The following ANO6 variants were observed in gnomAD, a reference collection of about 807,000 sequenced individuals.
The protein encoded by ANO6 is anoctamin-6.
In ANO6, 106 loss-of-function variants were observed where a neutral mutation model predicts 117.5. The ratio of observed to expected loss-of-function variants is 0.90; its 90% CI spans 0.77 to 1.06. The LOEUF (loss-of-function observed/expected upper bound fraction) is 1.06, where lower values mean the gene tolerates loss of function less well. ANO6 is among the 50% of genes least tolerant of loss of function. The probability of loss-of-function intolerance (pLI) is 0.00; values close to 1 mark genes in which losing one functional copy is unlikely to be tolerated. For missense variants in ANO6, 955 were observed against 1,121.1 expected (o/e 0.85, Z 2.12); for synonymous variants, 367 against 385.1 (o/e 0.95, Z 0.55).
At chr12:45,419,483 T>C (rs866177404) in intron 17 of ANO6, among the ~76,000 whole-genome samples, 2 of 152,236 alleles carry the variant, frequency 1.3e-5, no homozygotes, top group Admixed American at 6.5e-5. Flanking sequence ...CACACTCATA[T>C]GTATATGTAC....
At chr12:45,235,503 G>A (rs758635226) in intron 1 of ANO6, among the ~76,000 whole-genome samples, 1 of 152,100 alleles carries the variant, frequency 6.6e-6, no homozygotes, top group African/African-American at 2.4e-5. Flanking sequence ...ATCCAGGCCT[G>A]GCAGTAAACA....
rs568503334 is a variant in ANO6, at chr12:45,317,356, G to C, written c.151-13939G>C. On this transcript the variant is annotated intron_variant, in intron 2 of 19. Transcript: ENST00000320560. ...CTCATTGTTCAATTCCCACCTATGA[G>C]TGAGAACATGAAGTGTTTGGTTTTT... is the stretch of plus-strand genomic sequence containing the variant. 7.2e-3 allele frequency among the ~76,000 whole-genome samples: 993 copies of C among 137,608 alleles called. 7 individuals carry two copies. Among genetic ancestry groups the C allele is most frequent in the African/African-American group, 0.023 (858 of 36,818 alleles). The allele number at this position is 137,608 out of a possible 152,430, so 90.3% of individuals were successfully genotyped here. A position where few individuals can be genotyped will look rare whatever the true frequency, so the allele number is the denominator to read the frequency against.
At chr12:45,230,322 C>G (rs879536681) in intron 1 of ANO6, among the ~76,000 whole-genome samples, 1 of 151,816 alleles carries the variant, frequency 6.6e-6, no homozygotes, top group African/African-American at 2.4e-5. Flanking sequence ...TGGTCTTGAG[C>G]AGCTTCTTAT....
At chr12:45,366,968 A>G (rs1199554184) in intron 8 of ANO6, among the ~76,000 whole-genome samples, 2 of 151,962 alleles carry the variant, frequency 1.3e-5, no homozygotes, top group Non-Finnish European at 2.9e-5. Flanking sequence ...ACTTTACTGA[A>G]CTTATTTTTG....
intron 3 of ANO6, among the ~76,000 whole-genome samples, chr12:45,343,826 G>T (rs1941049009): frequency 6.6e-6 from 1 of 152,090 alleles, no homozygotes; most frequent in African/African-American, 2.4e-5. Context: ...CAGTAGCTAT[G>T]GACAGCTCCT....
chr12:45,347,285 A>G (rs1335207154), intron 4 of ANO6, 198 bp downstream of exon 4: 1 of 561,838 alleles, frequency 1.8e-6, no homozygotes, highest in African/African-American at 1.9e-5. Context: ...ATCTTTTTTA[A>G]TAGCCAACGA....
At chr12:45,271,173 T>C (rs1938383085) in intron 1 of ANO6, among the ~76,000 whole-genome samples, 1 of 152,214 alleles carries the variant, frequency 6.6e-6, no homozygotes, top group African/African-American at 2.4e-5. Context: ...GAAAACAAGA[T>C]TTCAGTGACC....
At chr12:45,279,370 C>T (rs371577524) in intron 1 of ANO6, among the ~76,000 whole-genome samples, 19 of 152,296 alleles carry the variant, frequency 1.2e-4, no homozygotes, top group East Asian at 1.2e-3. Flanking sequence ...CACAATGTCT[C>T]CCCAAATTGT....
intron 2 of ANO6, among the ~76,000 whole-genome samples, chr12:45,317,715 T>G (rs975885911): frequency 2.6e-5 from 4 of 152,180 alleles, no homozygotes; most frequent in African/African-American, 9.7e-5. Context: ...CCACAATGGT[T>G]GAACTAGTTT....
intron 2 of ANO6, among the ~76,000 whole-genome samples, chr12:45,320,612 A>G (rs1940228417): frequency 6.6e-6 from 1 of 151,978 alleles, no homozygotes; most frequent in African/African-American, 2.4e-5. Context: ...TGGGGTGGAG[A>G]GTTCTGTAGC....
chr12:45,366,115 GTTTTT>G (rs5797942), intron 8 of ANO6, among the ~76,000 whole-genome samples: 3 of 134,646 alleles, frequency 2.2e-5, no homozygotes, highest in African/African-American at 2.8e-5. Context: ...TGTTACTTGG[GTTTTT>G]TTTTTTTTTT....
At chr12:45,336,183 TATA>T (rs1195004452) in intron 3 of ANO6, among the ~76,000 whole-genome samples, 2 of 152,060 alleles carry the variant, frequency 1.3e-5, no homozygotes, top group Non-Finnish European at 2.9e-5. Flanking sequence ...TAAGCATTTT[TATA>T]ATAACTGGGT....
intron 8 of ANO6, among the ~76,000 whole-genome samples, chr12:45,360,286 G>A (rs376795879): frequency 5.9e-5 from 9 of 152,306 alleles, no homozygotes; most frequent in East Asian, 1.9e-4. Context: ...TCAAGTTGCC[G>A]ACATTTGGTG....
At chr12:45,228,078 C>A in intron 1 of ANO6, 1 of 343,596 alleles carries the variant, frequency 2.9e-6, no homozygotes, top group South Asian at 2.2e-5. Flanking sequence ...ATAGTTCCAT[C>A]AGTGGTCCCT....
chr12:45,338,176 G>A (rs1940880123), intron 3 of ANO6, among the ~76,000 whole-genome samples: 2 of 151,960 alleles, frequency 1.3e-5, no homozygotes, highest in South Asian at 4.1e-4. Flanking sequence ...ATAATTTAAA[G>A]TTTCATCACA....
In ANO6 at chr12:45,293,722, G is replaced by A. The variant is rs189458435; in HGVS notation, c.71-8292G>A. Among the ~76,000 whole-genome samples, 132 of 135,722 alleles carry A rather than the reference G, an allele frequency of 9.7e-4. 2 individuals are homozygous for A. The East Asian group carries it at 0.023, about 23-fold the overall frequency. 89.0% of individuals were successfully genotyped at this position (135,722 alleles called of 152,430 possible). On this transcript the variant is annotated intron_variant, in intron 1 of 19. Transcript: ENST00000320560. ...ACTACAGGTGCCTGCCACCATGCCT[G>A]GCTAATGTTTTTTTTTTTTTTTTTT...
intron 6 of ANO6, among the ~76,000 whole-genome samples, chr12:45,349,770 C>T (rs1051075869): frequency 1.3e-5 from 2 of 152,178 alleles, no homozygotes; most frequent in African/African-American, 2.4e-5. Flanking sequence ...TGTAGCCATC[C>T]AGCCTGAGAG....
rs369732269 is a variant in ANO6, at chr12:45,328,149, C to T, written c.151-3146C>T. Among the ~76,000 whole-genome samples, 147 of 152,240 alleles carry T rather than the reference C, an allele frequency of 9.7e-4. 2 individuals carry two copies. Among genetic ancestry groups the T allele is most frequent in the South Asian group, 5.2e-3 (25 of 4,828 alleles). On this transcript the variant is annotated intron_variant, in intron 2 of 19. Transcript: ENST00000320560. ...TTGAATGGGCTCCTTTTCCACTGTGCTTCTTTGCTGTCTGCACATTCCTGA... is the reference window on the plus strand; with the variant it reads ...TTGAATGGGCTCCTTTTCCACTGTGTTTCTTTGCTGTCTGCACATTCCTGA...
intron 2 of ANO6, among the ~76,000 whole-genome samples, chr12:45,317,363 C>T (rs2137353614): frequency 7.2e-6 from 1 of 139,490 alleles, no homozygotes; most frequent in Admixed American, 8.0e-5. Context: ...TGAGTGAGAA[C>T]ATGAAGTGTT....
Sources: gnomAD v4.1 joint callset for allele counts (sites outside exome capture counted in the v4.1 genomes callset) on GRCh38, gnomAD v4.1.1 for gene constraint, MANE v1.5 for transcripts, NCBI Gene and HGNC (gene_info 2026-07-23, HGNC 2026-07-21) for gene names.